Variants in ABCC2 observed in about 807,000 individuals in gnomAD.
ABCC2 encodes ATP binding cassette subfamily C member 2.
In ABCC2, 157 loss-of-function variants were observed where a neutral mutation model predicts 173.4. The ratio of observed to expected loss-of-function variants is 0.91; its 90% CI spans 0.80 to 1.03. ABCC2 has a LOEUF of 1.03. Among genes scored for constraint, ABCC2 ranks in the 50% least tolerant of loss-of-function variants. The pLI is 0.00. For synonymous variants in ABCC2, 657 were observed against 693.5 expected, an observed-to-expected ratio of 0.95 and a Z score of 0.83; for missense variants, 1,822 against 1,852.3, an observed-to-expected ratio of 0.98 and a Z score of 0.30.
At chr10:99,848,181 C>A (rs541896431) in intron 30 of ABCC2, among the ~76,000 whole-genome samples, 6 of 152,298 alleles carry the variant, frequency 3.9e-5, no homozygotes, top group Middle Eastern at 3.4e-3. Flanking sequence ...AAAGAGCATG[C>A]GGATGACAGG....
intron 25 of ABCC2, among the ~76,000 whole-genome samples, chr10:99,837,177 C>A: frequency 7.2e-6 from 1 of 138,446 alleles, no homozygotes. Flanking sequence ...CTCTTGTTGC[C>A]CAGGCTGGAG....
intron 2 of ABCC2, among the ~76,000 whole-genome samples, chr10:99,786,866 G>A (rs1055944926): frequency 3.9e-5 from 6 of 152,156 alleles, no homozygotes; most frequent in Admixed American, 1.3e-4. Context: ...AGCCAGGCAT[G>A]GTGGCGGACG....
chr10:99,819,340 T>C, intron 19 of ABCC2, 71 bp downstream of exon 19: 2 of 1,417,084 alleles, frequency 1.4e-6, no homozygotes, highest in Non-Finnish European at 2.0e-6. Flanking sequence ...ATCTAATTCC[T>C]GAACTGCTCA....
Position 99,832,119 on chromosome 10 carries a change from C to G in ABCC2, c.3246C>G (p.Asn1082Lys). The change falls in exon 23 of 32, where the codon AAC becomes AAG. Residue 1082 changes from asparagine (N) to lysine (K), a missense_variant. Asn to Lys is a moderately conservative substitution (Grantham distance 94). Transcript: ENST00000647814. ...FDTTPTGRIV[N>K]RFAGDISTVD... ...CAACACCCACAGGCCGGATTGTGAA[C>G]AGGTTTGCCGGCGTAAGTATCTCAA... 1.9e-6 allele frequency: 3 copies of G among 1,614,166 alleles called. No homozygotes were observed.
intron 23 of ABCC2, among the ~76,000 whole-genome samples, chr10:99,834,021 C>T (rs2038780616): frequency 2.0e-5 from 3 of 152,152 alleles, no homozygotes; most frequent in Non-Finnish European, 4.4e-5. Flanking sequence ...TCCCCTTGGT[C>T]CTCTATGCTT....
Position 99,800,550 on chromosome 10 carries a change from C to T in ABCC2, c.1196C>T (p.Ser399Phe), listed in dbSNP as rs1175054156. 6.2e-7 allele frequency: 1 copy of T among 1,614,076 alleles called. No homozygotes were observed. Among genetic ancestry groups the T allele is most frequent in the Admixed American group, 1.7e-5 (1 of 60,004 alleles). Residue 399 changes from serine to phenylalanine, a missense_variant, in exon 9 of 32, where the codon TCT (serine) becomes TTT (phenylalanine). Ser to Phe is a radical substitution (Grantham distance 155). Coordinates refer to ENST00000647814, the MANE Select transcript of ABCC2 (RefSeq NM_000392.5). ...AAAGTACGGACAGCTATCATGGCTT[C>T]TGTATATAAGAAGGTAAGCAGAATA... ...GVKVRTAIMA[S>F]VYKKALTLSN...
rs1564684033 is a variant in ABCC2 at position 99,814,248 on chromosome 10, C to CATGT, written c.2094+1104_2094+1105insATGT. Among the ~76,000 whole-genome samples the CATGT allele has an allele frequency of 3.0e-3, 91 of 30,108 alleles. 15 individuals are homozygous for CATGT. Among genetic ancestry groups the CATGT allele is most frequent in the African/African-American group, 8.6e-3 (74 of 8,584 alleles). The allele number at this position is 30,108 out of a possible 152,430, so 19.8% of individuals were successfully genotyped here. On this transcript the variant is annotated intron_variant, in intron 16 of 31. Coordinates refer to ENST00000647814, the MANE Select transcript of ABCC2 (RefSeq NM_000392.5). ...ACACACATGTGTATATATGCACACA[C>CATGT]GTATGTATACACACGTATGTATACA...
chr10:99,810,207 A>T lies in ABCC2; in HGVS notation c.1889A>T (p.Asp630Val), dbSNP rs2038185758. 58 of 1,613,252 alleles carry T rather than the reference A, an allele frequency of 3.6e-5. No individual in the cohort carries two copies. Among genetic ancestry groups the T allele is most frequent in the Non-Finnish European group, 4.7e-5 (56 of 1,179,394 alleles). The change falls in exon 14 of 32, where the codon GAC becomes GTC. Residue 630 changes from aspartate to valine, a missense_variant. By Grantham distance (152) the Asp-to-Val change is radical (BLOSUM62 -3). Coordinates refer to ENST00000647814, the MANE Select transcript of ABCC2 (RefSeq NM_000392.5). ...DDLDTSAIRH[D>V]CNFDKAMQFS... ...TTGGACACATCTGCCATTCGACATGACTGCAATTTTGGTAAATAAATTTGG... is the reference window on the plus strand; with the variant it reads ...TTGGACACATCTGCCATTCGACATGTCTGCAATTTTGGTAAATAAATTTGG...
chr10:99,836,153 C>A lies in ABCC2; in HGVS notation c.3477C>A (p.Ile1159=). ...TGGACTCTGTCACCAGGTCCCCAATCTACTCTCACTTCAGCGAGACCGTAT... is the reference window on the plus strand; with the variant it reads ...TGGACTCTGTCACCAGGTCCCCAATATACTCTCACTTCAGCGAGACCGTAT... The part of the protein sequence containing the change: ...RRLDSVTRSP[I]YSHFSETVSG... The change falls in exon 25 of 32, where the codon ATC becomes ATA. Residue 1159 remains isoleucine (I), a synonymous_variant. Transcript: ENST00000647814. The A allele has an allele frequency of 1.2e-6, 2 of 1,614,218 alleles. No individual in the cohort carries two copies. The highest frequency in any genetic ancestry group is 1.7e-6 in the Non-Finnish European group (2 of 1,180,038).
intron 25 of ABCC2, among the ~76,000 whole-genome samples, chr10:99,840,356 C>T (rs2038916113): frequency 6.9e-6 from 1 of 144,696 alleles, no homozygotes; most frequent in Admixed American, 6.8e-5. Flanking sequence ...CTGCCCCGGG[C>T]CGCAGCGCAG....
At chr10:99,841,288 C>T (rs2038940019) in intron 25 of ABCC2, among the ~76,000 whole-genome samples, 1 of 152,152 alleles carries the variant, frequency 6.6e-6, no homozygotes, top group Non-Finnish European at 1.5e-5. Flanking sequence ...AGCAATGGCT[C>T]ATGCCTGTAA....
At chr10:99,789,726 A>AAG (rs2037781903) in intron 2 of ABCC2, among the ~76,000 whole-genome samples, 2 of 147,456 alleles carry the variant, frequency 1.4e-5, no homozygotes, top group Non-Finnish European at 3.0e-5. Context: ...AAAAAAAAAA[A>AAG]GAAAAAGGAA....
intron 24 of ABCC2, among the ~76,000 whole-genome samples, chr10:99,835,791 G>A (rs1464381465): frequency 6.6e-6 from 1 of 152,134 alleles, no homozygotes. Flanking sequence ...AGATCTGGGG[G>A]ATATGGGTTA....
chr10:99,801,194 C>T (rs2038010256), intron 9 of ABCC2, among the ~76,000 whole-genome samples: 1 of 152,014 alleles, frequency 6.6e-6, no homozygotes. Context: ...TGATTTTGCT[C>T]ATCTTCCCTC....
At chr10:99,794,804 G>T (rs548902123) in intron 6 of ABCC2, among the ~76,000 whole-genome samples, 1 of 152,210 alleles carries the variant, frequency 6.6e-6, no homozygotes, top group South Asian at 2.1e-4. Context: ...GCCTCTCTAC[G>T]TGCTGGGATT....
At chr10:99,825,084 C>A (rs1257645990) in intron 19 of ABCC2, among the ~76,000 whole-genome samples, 5 of 149,472 alleles carry the variant, frequency 3.3e-5, no homozygotes, top group African/African-American at 1.2e-4. Context: ...ATGCCATCTT[C>A]ATTTTTTCCT....
chr10:99,817,212 G>T, intron 16 of ABCC2, 96 bp from the exon 17 acceptor site: 1 of 1,095,602 alleles, frequency 9.1e-7, no homozygotes, highest in Non-Finnish European at 1.4e-6. Context: ...TTAAATTTAA[G>T]CTCCATTTGT....
chr10:99,782,791 A>G lies in ABCC2; in HGVS notation c.-54A>G. The G allele has an allele frequency of 6.3e-7, 1 of 1,593,634 alleles. No homozygotes were observed. The highest frequency in any genetic ancestry group is 8.6e-7 in the Non-Finnish European group (1 of 1,161,312). ...CTTTGATGAAACAAGTAAAGAAGAA[A>G]CAACACAATCATATTAATAGAAGAG... is the stretch of plus-strand genomic sequence containing the variant. On this transcript the variant is annotated 5_prime_UTR_variant, in exon 1 of 32. Transcript: ENST00000647814.
intron 17 of ABCC2, 125 bp from the exon 18 acceptor site, chr10:99,818,665 C>T (rs1291730202): frequency 2.1e-6 from 2 of 932,886 alleles, no homozygotes; most frequent in Admixed American, 2.4e-5. Context: ...TATAAAGGAA[C>T]TTGTAAGATT....
Sources: allele counts gnomAD v4.1 joint callset (sites outside exome capture counted in the v4.1 genomes callset), GRCh38; gene constraint gnomAD v4.1.1; transcripts MANE v1.5; gene names NCBI Gene and HGNC (gene_info 2026-07-23, HGNC 2026-07-21).